AP5S1: variants seen among roughly 807,000 people sequenced by gnomAD.
AP5S1 encodes adaptor related protein complex 5 subunit sigma 1, also known as AP-5 complex subunit sigma-1.
Under a neutral mutation model 13.9 loss-of-function variants are expected in AP5S1, and 13 were observed. The ratio of observed to expected loss-of-function variants is 0.94; its 90% CI spans 0.61 to 1.49. AP5S1 has a LOEUF of 1.49. Ranked by LOEUF, AP5S1 falls within the 40% of genes most tolerant of loss-of-function variation. The pLI, the probability that AP5S1 is intolerant of heterozygous loss-of-function variation, is 0.00. For missense variants in AP5S1, 292 were observed against 272.3 expected (o/e 1.07, Z -0.51); for synonymous variants, 132 against 121.8 (o/e 1.08, Z -0.55).
In AP5S1 at chr20:3,825,381, C is replaced by G. The variant is rs185799699; in HGVS notation, c.*1084C>G. 13 of 139,044 alleles carry G rather than the reference C, an allele frequency of 9.3e-5. No individual in the cohort carries two copies. The highest frequency in any genetic ancestry group is 4.1e-4 in the African/African-American group (12 of 29,088). 8.6% of individuals were successfully genotyped at this position (139,044 alleles called of 1,614,324 possible). A position where few individuals can be genotyped will look rare whatever the true frequency, so the allele number is the denominator to read the frequency against. Reference sequence around the variant, plus strand: ...TCTGGATGGCCCCAAAGCTGCGTGTCTGAGCTTTCGTGGTCAAGGATCCCC... The same window carrying G: ...TCTGGATGGCCCCAAAGCTGCGTGTGTGAGCTTTCGTGGTCAAGGATCCCC... On this transcript the variant is annotated 3_prime_UTR_variant, in exon 3 of 3. Coordinates refer to ENST00000615891, the MANE Select transcript of AP5S1 (RefSeq NM_018347.3).
Position 3,822,238 on chromosome 20 carries a change from C to T in AP5S1, c.121C>T (p.His41Tyr). 1 of 1,614,172 alleles carries T rather than the reference C, an allele frequency of 6.2e-7. No homozygotes were observed. Among genetic ancestry groups the T allele is most frequent in the Non-Finnish European group, 8.5e-7 (1 of 1,180,028 alleles). The change falls in exon 2 of 3, where the codon CAT becomes TAT. Residue 41 changes from histidine to tyrosine, a missense_variant. Transcript: ENST00000615891. ...GAAGTCACCTGATGACCCACGGCCG[C>T]ATGGTGCCGAGAGGGACAGGCTTCT... ...AEKSPDDPRP[H>Y]GAERDRLLRK...
At chr20:3,822,959 G>C (rs751333309) in intron 2 of AP5S1, among the ~76,000 whole-genome samples, 1 of 152,148 alleles carries the variant, frequency 6.6e-6, no homozygotes, top group East Asian at 1.9e-4. Context: ...CTGGACCTCC[G>C]CATTCTGGGT....
In AP5S1 at chr20:3,826,241, C is replaced by T. The variant is rs553183238; in HGVS notation, c.*1944C>T. ...GTCAACATAATTGGGATGAGGCCACCTTTTCCATTTTATGGTGCCACAAAC... is the reference window on the plus strand; with the variant it reads ...GTCAACATAATTGGGATGAGGCCACTTTTTCCATTTTATGGTGCCACAAAC... On this transcript the variant is annotated 3_prime_UTR_variant, in exon 3 of 3. Transcript: ENST00000615891. 1 of 152,342 alleles carries T rather than the reference C, an allele frequency of 6.6e-6. No individual in the cohort carries two copies. Among genetic ancestry groups the T allele is most frequent in the African/African-American group, 2.4e-5 (1 of 41,584 alleles). The allele number at this position is 152,342 out of a possible 1,614,324, so 9.4% of individuals were successfully genotyped here.
chr20:3,822,061 G>A, intron 1 of AP5S1, 41 bp from the exon 2 acceptor site: 16 of 1,587,352 alleles, frequency 1.0e-5, no homozygotes, highest in Non-Finnish European at 1.4e-5. Flanking sequence ...CTCCTGCTGG[G>A]GTTCACTCTC....
At chr20:3,823,304 A>G (rs1370954115) in intron 2 of AP5S1, among the ~76,000 whole-genome samples, 1 of 152,114 alleles carries the variant, frequency 6.6e-6, no homozygotes, top group Non-Finnish European at 1.5e-5. Context: ...GCTGGAGTGC[A>G]GTGGCGCAAT....
In AP5S1 at chr20:3,824,020, C is replaced by G. The variant is rs771052011; in HGVS notation, c.326C>G (p.Pro109Arg). The change falls in exon 3 of 3, where the codon CCA becomes CGA. Residue 109 changes from proline to arginine, a missense_variant. Coordinates refer to ENST00000615891, the MANE Select transcript of AP5S1 (RefSeq NM_018347.3). ...GCAGCAGAGAACCCTTTCCAGGAGC[C>G]ACGGACGGTGGTGTGGCTGGGCGTG... ...RLAAENPFQEPRTVVWLGVLS... is the reference protein window; with the variant it reads ...RLAAENPFQERRTVVWLGVLS... The G allele has an allele frequency of 6.2e-7, 1 of 1,613,756 alleles. No homozygotes were observed. The highest frequency in any genetic ancestry group is 1.1e-5 in the South Asian group (1 of 91,092).
Position 3,823,913 on chromosome 20 carries a change from C to G in AP5S1, c.219C>G (p.Gly73=). 1 of 1,603,352 alleles carries G rather than the reference C, an allele frequency of 6.2e-7. No individual in the cohort carries two copies. Among genetic ancestry groups the G allele is most frequent in the African/African-American group, 1.3e-5 (1 of 75,058 alleles). The change falls in exon 3 of 3, where the codon GGC becomes GGG. Residue 73 remains glycine, a synonymous_variant. Transcript: ENST00000615891. The part of the protein sequence containing the change: ...SMCRLQQQAS[G]RPPMDLQPQS... ...GTCGGCTGCAGCAGCAGGCATCTGG[C>G]CGGCCCCCCATGGACCTGCAGCCGC...
At position 3,824,179 on chromosome 20, in the gene AP5S1, G is replaced by C. The variant is rs776927558; in HGVS notation, c.485G>C (p.Arg162Pro). 1 of 1,614,092 alleles carries C rather than the reference G, an allele frequency of 6.2e-7. No homozygotes were observed. Among genetic ancestry groups the C allele is most frequent in the East Asian group, 2.2e-5 (1 of 44,880 alleles). ...GCGCCCAGCACCAGCCTTCTGCTGC[G>C]GGCTGACCGCATTGAGGGCATCCTC... is the stretch of plus-strand genomic sequence containing the variant. The part of the protein sequence containing the change: ...LLAPSTSLLL[R>P]ADRIEGILTR... The change falls in exon 3 of 3, where the codon CGG becomes CCG. Residue 162 changes from arginine (R) to proline (P), a missense_variant. Coordinates refer to ENST00000615891, the MANE Select transcript of AP5S1 (RefSeq NM_018347.3).
rs1056374539 is a variant in AP5S1, at chr20:3,827,064, G to A, written c.*2767G>A. ...GAAGCAAACTTGCCTCCCTCTCCAA[G>A]CCTCTTCCCTTTCTTCTCCCTGCCC... is the stretch of plus-strand genomic sequence containing the variant. On this transcript the variant is annotated 3_prime_UTR_variant, in exon 3 of 3. Coordinates refer to ENST00000615891, the MANE Select transcript of AP5S1 (RefSeq NM_018347.3). The A allele has an allele frequency of 2.0e-5, 3 of 152,214 alleles. No individual in the cohort carries two copies. The highest frequency in any genetic ancestry group is 6.5e-5 in the Admixed American group (1 of 15,272). 9.4% of individuals were successfully genotyped at this position (152,214 alleles called of 1,614,324 possible).
At position 3,821,780 on chromosome 20, in the gene AP5S1, G is replaced by T. The variant is rs78554707; in HGVS notation, c.-16-322G>T. On this transcript the variant is annotated intron_variant, in intron 1 of 2. Coordinates refer to ENST00000615891, the MANE Select transcript of AP5S1 (RefSeq NM_018347.3). ...GCAGCTCCTCAGGTTTTCCATGACC[G>T]CATGACCTTGACGCTTTTGAAGATA... 3,434 of 407,344 alleles carry T rather than the reference G, an allele frequency of 8.4e-3. 118 individuals are homozygous for T. Among genetic ancestry groups the T allele is most frequent in the African/African-American group, 0.069 (3,156 of 45,760 alleles). The allele number at this position is 407,344 out of a possible 1,614,324, so 25.2% of individuals were successfully genotyped here.
In AP5S1 at chr20:3,823,890, C is replaced by T. The variant is rs367607495; in HGVS notation, c.196C>T (p.Arg66Trp). 2.9e-5 allele frequency: 46 copies of T among 1,600,938 alleles called. No individual in the cohort carries two copies. The highest frequency in any genetic ancestry group is 1.3e-4 in the Admixed American group (8 of 59,970). ...AVARQVESMC[R>W]LQQQASGRPP... ...CCCCAGGCAGGTAGAGTCAATGTGT[C>T]GGCTGCAGCAGCAGGCATCTGGCCG... The change falls in exon 3 of 3, where the codon CGG becomes TGG. Residue 66 changes from arginine (R) to tryptophan (W), a missense_variant. Arg to Trp is a moderately radical substitution (Grantham distance 101, BLOSUM62 -3). Transcript: ENST00000615891.
rs1203453718 is a variant in AP5S1, at chr20:3,826,508, C to G, written c.*2211C>G. 3 of 152,096 alleles carry G rather than the reference C, an allele frequency of 2.0e-5. No individual in the cohort carries two copies. Among genetic ancestry groups the G allele is most frequent in the Non-Finnish European group, 4.4e-5 (3 of 68,030 alleles). The allele number at this position is 152,096 out of a possible 1,614,324, so 9.4% of individuals were successfully genotyped here. On this transcript the variant is annotated 3_prime_UTR_variant, in exon 3 of 3. Coordinates refer to ENST00000615891, the MANE Select transcript of AP5S1 (RefSeq NM_018347.3). ...ATCTGAATTCTTTCTGCCTTTTTTT[C>G]AAACGGAACTTAAGGAAGAGGTTGA...
chr20:3,827,746 T>G lies in AP5S1; in HGVS notation c.*3449T>G, dbSNP rs1003879053. 2.0e-5 allele frequency: 3 copies of G among 151,832 alleles called. No homozygotes were observed. Among genetic ancestry groups the G allele is most frequent in the Admixed American group, 1.3e-4 (2 of 15,176 alleles). The allele number at this position is 151,832 out of a possible 1,614,324, so 9.4% of individuals were successfully genotyped here. A position where few individuals can be genotyped will look rare whatever the true frequency, so the allele number is the denominator to read the frequency against. On this transcript the variant is annotated 3_prime_UTR_variant, in exon 3 of 3. Transcript: ENST00000615891. ...TGTCCAGCATCCCCCCAGGGCTCAA[T>G]GTTTTCTTTTCTTTTTCTTTTTTTT...
At position 3,822,102 on chromosome 20, in the gene AP5S1, C is replaced by T; in HGVS notation, c.-16C>T. The stretch of plus-strand genomic sequence containing the variant: ...ACCAATGTCTCTGGCTTCCCTGTAG[C>T]ACCCACCCTGGAGCCATGGTCCACG... On this transcript the variant is annotated splice_region_variant and 5_prime_UTR_variant, in exon 2 of 3. Transcript: ENST00000615891. 1 of 1,611,104 alleles carries T rather than the reference C, an allele frequency of 6.2e-7. No individual in the cohort carries two copies. Among genetic ancestry groups the T allele is most frequent in the Non-Finnish European group, 8.5e-7 (1 of 1,178,342 alleles).
rs758180838 is a variant in AP5S1, at chr20:3,822,238, C to A, written c.121C>A (p.His41Asn). Reference protein sequence around the residue: ...AEKSPDDPRPHGAERDRLLRK... With the variant: ...AEKSPDDPRPNGAERDRLLRK... The stretch of plus-strand genomic sequence containing the variant: ...GAAGTCACCTGATGACCCACGGCCG[C>A]ATGGTGCCGAGAGGGACAGGCTTCT... Residue 41 changes from histidine (H) to asparagine (N), a missense_variant, in exon 2 of 3, where the codon CAT becomes AAT. By Grantham distance (68) the His-to-Asn change is moderately conservative. Transcript: ENST00000615891. The A allele has an allele frequency of 6.2e-7, 1 of 1,614,172 alleles. No individual in the cohort carries two copies. Among genetic ancestry groups the A allele is most frequent in the African/African-American group, 1.3e-5 (1 of 75,050 alleles).
At chr20:3,821,777 A>G (rs2089583426) in intron 1 of AP5S1, 2 of 381,200 alleles carry the variant, frequency 5.2e-6, no homozygotes, top group Non-Finnish European at 7.2e-6. Context: ...GTTTTCCATG[A>G]CCGCATGACC....
Position 3,824,467 on chromosome 20 carries a change from C to G in AP5S1, c.*170C>G. 1.5e-6 allele frequency: 1 copy of G among 687,722 alleles called. No individual in the cohort carries two copies. 42.6% of individuals were successfully genotyped at this position (687,722 alleles called of 1,614,324 possible). On this transcript the variant is annotated 3_prime_UTR_variant, in exon 3 of 3. Coordinates refer to ENST00000615891, the MANE Select transcript of AP5S1 (RefSeq NM_018347.3). ...GGGCAGAGGGTGGAGGAGGTCCTGC[C>G]TGTCCTCAGGTTAGTGGAACCACAG... is the stretch of plus-strand genomic sequence containing the variant.
chr20:3,824,128 T>G lies in AP5S1; in HGVS notation c.434T>G (p.Leu145Arg). The G allele has an allele frequency of 5.6e-6, 9 of 1,614,026 alleles. No individual in the cohort carries two copies. Among genetic ancestry groups the G allele is most frequent in the Non-Finnish European group, 6.8e-6 (8 of 1,180,042 alleles). Residue 145 changes from leucine to arginine, a missense_variant, in exon 3 of 3, where the codon CTC becomes CGC. Physicochemically the swap from Leu to Arg is moderately radical, Grantham distance 102. Coordinates refer to ENST00000615891, the MANE Select transcript of AP5S1 (RefSeq NM_018347.3). ...GGCACGCTCCGGCTGCTGACACGCC[T>G]CCTCCTTGACCACCTCCGGCTGCTG... ...AEGTLRLLTRLLLDHLRLLAP... is the reference protein window; with the variant it reads ...AEGTLRLLTRRLLDHLRLLAP...
At position 3,824,248 on chromosome 20, in the gene AP5S1, A is replaced by T. The variant is rs1211480606; in HGVS notation, c.554A>T (p.Gln185Leu). 1 of 1,614,114 alleles carries T rather than the reference A, an allele frequency of 6.2e-7. No homozygotes were observed. Residue 185 changes from glutamine to leucine, a missense_variant, in exon 3 of 3, where the codon CAG becomes CTG. Coordinates refer to ENST00000615891, the MANE Select transcript of AP5S1 (RefSeq NM_018347.3). Reference sequence around the variant, plus strand: ...GGTCAGCTGCTTTTCCTCAACGACCAGTTTGTCCAAGGCCTGGAGAAGGAA... The same window carrying T: ...GGTCAGCTGCTTTTCCTCAACGACCTGTTTGTCCAAGGCCTGGAGAAGGAA... ...PHGQLLFLNDQFVQGLEKEFS... is the reference protein window; with the variant it reads ...PHGQLLFLNDLFVQGLEKEFS...
Sources: allele counts gnomAD v4.1 joint callset (sites outside exome capture counted in the v4.1 genomes callset), GRCh38; gene constraint gnomAD v4.1.1; transcripts MANE v1.5; gene names NCBI Gene and HGNC (gene_info 2026-07-23, HGNC 2026-07-21).